FBN2: variants seen among roughly 807,000 people sequenced by gnomAD.
The protein encoded by FBN2 is fibrillin-2.
FBN2 carries 105 observed loss-of-function variants against 355.6 expected under a neutral mutation model. The ratio of observed to expected loss-of-function variants is 0.30; its 90% CI spans 0.25 to 0.35. The LOEUF (loss-of-function observed/expected upper bound fraction) is 0.35. Ranked by LOEUF, FBN2 falls within the 10% of genes least tolerant of loss-of-function variation. The probability of loss-of-function intolerance (pLI) is 1.00; values close to 1 mark genes in which losing one functional copy is unlikely to be tolerated. For missense variants in FBN2, 3,280 were observed against 3,758.7 expected, an observed-to-expected ratio of 0.87 and a Z score of 3.33; for synonymous variants, 1,350 against 1,301.2, an observed-to-expected ratio of 1.04 and a Z score of -0.81.
At chr5:128,285,233 A>G (rs1416159910) in intron 55 of FBN2, among the ~76,000 whole-genome samples, 1 of 147,674 alleles carries the variant, frequency 6.8e-6, no homozygotes, top group Non-Finnish European at 1.5e-5. Context: ...ATGCATTGGC[A>G]TTTTTATTGA....
At chr5:128,282,836 T>G (rs951925008) in intron 55 of FBN2, among the ~76,000 whole-genome samples, 3 of 152,162 alleles carry the variant, frequency 2.0e-5, no homozygotes, top group Admixed American at 1.3e-4. Context: ...CTCCCCTACT[T>G]CTACCTACTC....
chr5:128,355,830 G>A (rs920021349), intron 20 of FBN2, among the ~76,000 whole-genome samples: 1 of 152,140 alleles, frequency 6.6e-6, no homozygotes, highest in African/African-American at 2.4e-5. Context: ...CACTGGCTGA[G>A]AAAAATATGG....
chr5:128,332,353 C>T (rs1341121093), intron 32 of FBN2, among the ~76,000 whole-genome samples: 1 of 152,172 alleles, frequency 6.6e-6, no homozygotes, highest in African/African-American at 2.4e-5. Flanking sequence ...ATATTCTAGT[C>T]CCTTCCCTCT....
chr5:128,527,732 T>C, intron 4 of FBN2, 140 bp downstream of exon 4: 1 of 642,622 alleles, frequency 1.6e-6, no homozygotes. Context: ...GGATAAAAAT[T>C]AGAAATTCAG....
Position 128,393,331 on chromosome 5 carries a change from C to T in FBN2, c.1269G>A (p.Met423Ile), listed in dbSNP as rs1377486867. ...YRRLCMDGLPMGGIPGSAGSR... is the reference protein window; with the variant it reads ...YRRLCMDGLPIGGIPGSAGSR... ...AACCAGCACTCCCTGGAATTCCTCC[C>T]ATTGGAAGTCCATCCATGCAAAGTC... The change falls in exon 10 of 65, where the codon ATG becomes ATA. Residue 423 changes from methionine to isoleucine, a missense_variant. Coordinates refer to ENST00000262464, the MANE Select transcript of FBN2 (RefSeq NM_001999.4). 1 of 1,614,152 alleles carries T rather than the reference C, an allele frequency of 6.2e-7. No individual in the cohort carries two copies. The highest frequency in any genetic ancestry group is 1.7e-5 in the Admixed American group (1 of 60,020).
In FBN2 at chr5:128,263,531, C is replaced by A; in HGVS notation, c.8086G>T (p.Val2696Leu). Residue 2696 changes from valine to leucine, a missense_variant, in exon 63 of 65, where the codon GTG becomes TTG. Val to Leu is a conservative substitution (Grantham distance 32). This residue lies in a region of FBN2 where 311 missense variants were observed against 319.1 expected (regional missense o/e 0.97). Transcript: ENST00000262464. ...TTCTTGGAGGACGAGCACTCATTCACGTCGTGGCAGGCACTGGAGAACTGG... is the reference window on the plus strand; with the variant it reads ...TTCTTGGAGGACGAGCACTCATTCAAGTCGTGGCAGGCACTGGAGAACTGG... ...FDQFSSACHD[V>L]NECSSSKNPC... 2 of 1,614,134 alleles carry A rather than the reference C, an allele frequency of 1.2e-6. No homozygotes were observed. The highest frequency in any genetic ancestry group is 1.6e-4 in the Middle Eastern group (1 of 6,062).
chr5:128,343,693 A>C (rs1751090530), intron 25 of FBN2, among the ~76,000 whole-genome samples: 1 of 152,238 alleles, frequency 6.6e-6, no homozygotes, highest in Non-Finnish European at 1.5e-5. Flanking sequence ...TCCTGTTCAC[A>C]GATGAGGAAA....
chr5:128,480,235 A>G (rs1354513740), intron 5 of FBN2, among the ~76,000 whole-genome samples: 1 of 149,688 alleles, frequency 6.7e-6, no homozygotes, highest in East Asian at 1.9e-4. Context: ...ACATGGTATT[A>G]AAACTTTCAA....
Position 128,415,129 on chromosome 5 carries a change from G to A in FBN2, c.953-6330C>T, listed in dbSNP as rs538698805. ...TGGGACACATGGCATTTAGTTACAC[G>A]CACAGAATGTGTAATGATCAAGTCA... On this transcript the variant is annotated intron_variant, in intron 7 of 64. Coordinates refer to ENST00000262464, the MANE Select transcript of FBN2 (RefSeq NM_001999.4). 9.2e-5 allele frequency among the ~76,000 whole-genome samples: 14 copies of A among 152,088 alleles called. No homozygotes were observed. The East Asian group carries it at 2.3e-3, about 25-fold the overall frequency.
intron 41 of FBN2, among the ~76,000 whole-genome samples, chr5:128,307,604 C>T (rs1749919650): frequency 1.4e-5 from 2 of 147,876 alleles, no homozygotes; most frequent in South Asian, 4.2e-4. Context: ...AAGGTATAGA[C>T]ATGCAAAAAT....
intron 11 of FBN2, among the ~76,000 whole-genome samples, chr5:128,390,401 T>C (rs1400990912): frequency 6.6e-6 from 1 of 152,144 alleles, no homozygotes; most frequent in Non-Finnish European, 1.5e-5. Context: ...GTTAACATTT[T>C]CTCTGATGGC....
chr5:128,291,426 T>C, intron 49 of FBN2, 103 bp downstream of exon 49: 4 of 1,309,258 alleles, frequency 3.1e-6, no homozygotes, highest in South Asian at 1.2e-5. Context: ...TATTTTAGCA[T>C]AGACATGTAT....
rs32212 is a variant in FBN2, at chr5:128,289,712, A to G, written c.6511+170T>C. Reference sequence around the variant, plus strand: ...TATGTATTTCATATATCACGATATAATCTTATGATATATGTATAATGTATA... The same window carrying G: ...TATGTATTTCATATATCACGATATAGTCTTATGATATATGTATAATGTATA... On this transcript the variant is annotated intron_variant, in intron 51 of 64. Transcript: ENST00000262464. Among the ~76,000 whole-genome samples the G allele has an allele frequency of 0.099, 15,080 of 152,136 alleles. 1,595 individuals are homozygous for G. Among genetic ancestry groups the G allele is most frequent in the East Asian group, 0.6 (3,073 of 5,144 alleles).
At chr5:128,442,683 T>C (rs1295720338) in intron 7 of FBN2, among the ~76,000 whole-genome samples, 1 of 152,142 alleles carries the variant, frequency 6.6e-6, no homozygotes, top group African/African-American at 2.4e-5. Flanking sequence ...AGAGGTTTTT[T>C]TGAGATCCAG....
chr5:128,392,003 G>A lies in FBN2; in HGVS notation c.1603+15C>T, dbSNP rs372297101. On this transcript the variant is annotated intron_variant, in intron 11 of 64. Coordinates refer to ENST00000262464, the MANE Select transcript of FBN2 (RefSeq NM_001999.4). ...AAAAAAACTAAGAAGGATTATTAAA[G>A]AATCACAAACTTACCTATACAATCT... 6.2e-7 allele frequency: 1 copy of A among 1,610,940 alleles called. No homozygotes were observed. The highest frequency in any genetic ancestry group is 8.5e-7 in the Non-Finnish European group (1 of 1,177,428).
rs548954544 is a variant in FBN2 at position 128,346,192 on chromosome 5, CAT to C, written c.2990-610_2990-609del. ...TCCCTCCAACTTCAAAACAGACCAACATTTCAGTGCTTAGCCTGTGCTAGCCA... is the reference window on the plus strand; with the variant it reads ...TCCCTCCAACTTCAAAACAGACCAACTTCAGTGCTTAGCCTGTGCTAGCCA... On this transcript the variant is annotated intron_variant, in intron 23 of 64. Coordinates refer to ENST00000262464, the MANE Select transcript of FBN2 (RefSeq NM_001999.4). 2.8e-4 allele frequency among the ~76,000 whole-genome samples: 43 copies of C among 152,270 alleles called. 1 individual carries two copies. In the South Asian group the frequency reaches 8.3e-3, roughly 29 times the overall value.
chr5:128,414,698 G>A lies in FBN2; in HGVS notation c.953-5899C>T, dbSNP rs114688994. Among the ~76,000 whole-genome samples, 750 of 152,160 alleles carry A rather than the reference G, an allele frequency of 4.9e-3. 1 individual carries two copies. The highest frequency in any genetic ancestry group is 0.01 in the Middle Eastern group (3 of 294). On this transcript the variant is annotated intron_variant, in intron 7 of 64. Transcript: ENST00000262464. ...GTAATTCTATGTTTAACTTGTTGAG[G>A]AACTGACAAACTGTTTTCCAAAGCA...
At position 128,472,216 on chromosome 5, in the gene FBN2, G is replaced by T. The variant is rs1292616535; in HGVS notation, c.629-7295C>A. Among the ~76,000 whole-genome samples the T allele has an allele frequency of 2.6e-5, 4 of 152,186 alleles. No homozygotes were observed. The East Asian group carries it at 7.7e-4, about 29-fold the overall frequency. ...AAAATTCTGACACATGTTGCAACAT[G>T]GATGAACTTTGTGCATATTGTGCTG... On this transcript the variant is annotated intron_variant, in intron 5 of 64. Transcript: ENST00000262464.
chr5:128,497,360 GAA>G, intron 5 of FBN2, among the ~76,000 whole-genome samples: 1 of 152,322 alleles, frequency 6.6e-6, no homozygotes, highest in Middle Eastern at 3.4e-3. Context: ...ACTATGAGCT[GAA>G]TTTCTAGGAT....
Sources: allele counts gnomAD v4.1 joint callset (sites outside exome capture counted in the v4.1 genomes callset), GRCh38; gene constraint gnomAD v4.1.1; regional missense constraint gnomAD v4.1.1; transcripts MANE v1.5; gene names NCBI Gene and HGNC (gene_info 2026-07-23, HGNC 2026-07-21).